Variants in UBE3A observed in about 807,000 individuals in gnomAD.
The protein encoded by UBE3A is ubiquitin protein ligase E3A, also known as ubiquitin-protein ligase E3A.
A neutral mutation model predicts 83.4 loss-of-function variants in UBE3A; 6 were observed. The observed-to-expected ratio is 0.07, with a 90% CI of 0.04 to 0.14. The LOEUF (loss-of-function observed/expected upper bound fraction) is 0.14, where lower values mean the gene tolerates loss of function less well. Ranked by LOEUF, UBE3A falls within the 10% of genes least tolerant of loss-of-function variation. The pLI is 1.00. For synonymous variants in UBE3A, 337 were observed against 355.4 expected, an observed-to-expected ratio of 0.95 and a Z score of 0.58; for missense variants, 456 against 1,036.1, an observed-to-expected ratio of 0.44 and a Z score of 7.69.
intron 4 of UBE3A, among the ~76,000 whole-genome samples, chr15:25,391,169 A>G (rs1349424581): frequency 3.9e-5 from 6 of 152,204 alleles, no homozygotes; most frequent in Admixed American, 3.9e-4. Context: ...GCCTAAAAGA[A>G]AAGAAAGAAA....
At chr15:25,426,691 T>C (rs74006413) in intron 1 of UBE3A, among the ~76,000 whole-genome samples, 3,350 of 152,268 alleles carry the variant, frequency 0.022, 117 homozygotes, top group African/African-American at 0.076. Flanking sequence ...CCCATCTAAT[T>C]CTAAGTGAAC....
At chr15:25,394,025 C>A (rs1401646918) in intron 4 of UBE3A, among the ~76,000 whole-genome samples, 1 of 152,154 alleles carries the variant, frequency 6.6e-6, no homozygotes, top group Admixed American at 6.5e-5. Context: ...TGTTATTCTT[C>A]CTGCCTAGAA....
chr15:25,341,783 CAAAA>C (rs60827150), intron 11 of UBE3A, among the ~76,000 whole-genome samples: 1 of 81,646 alleles, frequency 1.2e-5, no homozygotes, highest in Non-Finnish European at 2.6e-5. Flanking sequence ...AATTTCATCT[CAAAA>C]AAAAAAAAAA....
intron 6 of UBE3A, among the ~76,000 whole-genome samples, chr15:25,361,984 G>A (rs150406321): frequency 1.3e-5 from 2 of 152,120 alleles, no homozygotes; most frequent in East Asian, 3.9e-4. Context: ...CGAGAGCATT[G>A]TTTTTTCAAA....
intron 6 of UBE3A, among the ~76,000 whole-genome samples, chr15:25,364,461 T>C (rs180817355): frequency 1.2e-3 from 189 of 152,300 alleles, no homozygotes; most frequent in Non-Finnish European, 1.9e-3. Context: ...TTTAAAATTG[T>C]ATGTTGTTGT....
intron 4 of UBE3A, among the ~76,000 whole-genome samples, chr15:25,377,717 G>C (rs1264684563): frequency 1.3e-5 from 2 of 152,034 alleles, no homozygotes; most frequent in Non-Finnish European, 2.9e-5. Context: ...CCTACTTGTG[G>C]AAAATAATTT....
At chr15:25,395,187 A>T (rs1296471704) in intron 4 of UBE3A, among the ~76,000 whole-genome samples, 1 of 152,206 alleles carries the variant, frequency 6.6e-6, no homozygotes, top group Non-Finnish European at 1.5e-5. Flanking sequence ...CAAGTGCGGT[A>T]GAGAGATCAC....
chr15:25,417,691 A>T (rs565575586), intron 1 of UBE3A, among the ~76,000 whole-genome samples: 1 of 152,162 alleles, frequency 6.6e-6, no homozygotes, highest in African/African-American at 2.4e-5. Context: ...AAAATAGAAG[A>T]CAAAGCAAAC....
chr15:25,398,779 A>ATATATATATT, intron 4 of UBE3A, among the ~76,000 whole-genome samples: 1 of 23,348 alleles, frequency 4.3e-5, no homozygotes, highest in Non-Finnish European at 7.7e-5. Flanking sequence ...ATTTATATAT[A>ATATATATATT]TATATATATA....
intron 1 of UBE3A, among the ~76,000 whole-genome samples, chr15:25,431,563 G>C (rs532907593): frequency 2.0e-5 from 3 of 151,964 alleles, no homozygotes; most frequent in African/African-American, 7.3e-5. Context: ...GGCTGGTCTC[G>C]AACTCCTGAC....
rs1555376452 is a variant in UBE3A at position 25,334,606 on chromosome 15, A to AAG, written c.*4530_*4531insCT. 1 of 17,150 alleles carries AAG rather than the reference A, an allele frequency of 5.8e-5. No individual in the cohort carries two copies. The highest frequency in any genetic ancestry group is 2.4e-4 in the African/African-American group (1 of 4,134). The allele number at this position is 17,150 out of a possible 1,614,324, so 1.1% of individuals were successfully genotyped here. On this transcript the variant is annotated 3_prime_UTR_variant, in exon 13 of 13. Transcript: ENST00000648336. ...CAAAACAGACAAAATGATTTTGGGG[A>AAG]AAAAAAAAAAAAAAATGGAGGACTT...
At position 25,411,960 on chromosome 15, in the gene UBE3A, C is replaced by T. The variant is rs541619343; in HGVS notation, c.-153G>A. 147 of 152,274 alleles carry T rather than the reference C, an allele frequency of 9.7e-4. 1 individual carries two copies. The highest frequency in any genetic ancestry group is 3.4e-3 in the African/African-American group (143 of 41,566). 9.4% of individuals were successfully genotyped at this position (152,274 alleles called of 1,614,324 possible). A position where few individuals can be genotyped will look rare whatever the true frequency, so the allele number is the denominator to read the frequency against. On this transcript the variant is annotated 5_prime_UTR_variant, in exon 2 of 13. Transcript: ENST00000648336. Reference sequence around the variant, plus strand: ...GGTGAATTCTAAAATCAGGCTCTTACAGATTTTTAACCTAAAATATAAAAC... The same window carrying T: ...GGTGAATTCTAAAATCAGGCTCTTATAGATTTTTAACCTAAAATATAAAAC...
chr15:25,410,447 C>A (rs957605562), intron 2 of UBE3A, among the ~76,000 whole-genome samples: 2 of 152,176 alleles, frequency 1.3e-5, no homozygotes, highest in African/African-American at 4.8e-5. Context: ...TCTTTCCCCT[C>A]ACGATTCCCC....
At chr15:25,435,015 C>A (rs1374420801) in intron 1 of UBE3A, among the ~76,000 whole-genome samples, 2 of 100,600 alleles carry the variant, frequency 2.0e-5, no homozygotes, top group African/African-American at 3.8e-5. Context: ...CACACACACA[C>A]ACACAAATAC....
intron 6 of UBE3A, among the ~76,000 whole-genome samples, chr15:25,363,796 A>T (rs1259387139): frequency 1.3e-5 from 2 of 152,164 alleles, no homozygotes; most frequent in Non-Finnish European, 2.9e-5. Context: ...GAATAATTTG[A>T]AAAGTAGTTG....
intron 4 of UBE3A, among the ~76,000 whole-genome samples, chr15:25,384,155 T>C (rs931721602): frequency 6.6e-6 from 1 of 152,038 alleles, no homozygotes; most frequent in Non-Finnish European, 1.5e-5. Flanking sequence ...GAAAGACATG[T>C]ACATTGAAAA....
chr15:25,339,901 G>A (rs534455275), intron 12 of UBE3A, 184 bp downstream of exon 12: 1 of 728,396 alleles, frequency 1.4e-6, no homozygotes, highest in East Asian at 2.8e-5. Flanking sequence ...TTTAACTAGG[G>A]CAATTTCTTA....
At chr15:25,391,003 T>A (rs568450886) in intron 4 of UBE3A, among the ~76,000 whole-genome samples, 2 of 151,980 alleles carry the variant, frequency 1.3e-5, no homozygotes, top group South Asian at 4.2e-4. Flanking sequence ...CACCTGGGTA[T>A]ACTTCCAAAT....
At chr15:25,368,143 G>C (rs1244385419) in intron 6 of UBE3A, among the ~76,000 whole-genome samples, 1 of 152,112 alleles carries the variant, frequency 6.6e-6, no homozygotes, top group Non-Finnish European at 1.5e-5. Flanking sequence ...GGCTTAAAAA[G>C]CAGAGATCCT....
Sources: allele counts gnomAD v4.1 joint callset (sites outside exome capture counted in the v4.1 genomes callset), GRCh38; gene constraint gnomAD v4.1.1; transcripts MANE v1.5; gene names NCBI Gene and HGNC (gene_info 2026-07-23, HGNC 2026-07-21).